Variants in PARD3 observed in about 807,000 individuals in gnomAD.
The protein encoded by PARD3 is partitioning defective 3 homolog.
In PARD3, 75 loss-of-function variants were observed where a neutral mutation model predicts 155.4. The observed-to-expected ratio is 0.48, with a 90% confidence interval of 0.40 to 0.58. PARD3 has a LOEUF of 0.58. Ranked by LOEUF, PARD3 falls within the 20% of genes least tolerant of loss-of-function variation. The pLI is 0.00. For synonymous variants in PARD3, 576 were observed against 610.5 expected (o/e 0.94, Z 0.83); for missense variants, 1,642 against 1,721.7 (o/e 0.95, Z 0.82).
In PARD3 at chr10:34,331,362, A is replaced by C; in HGVS notation, c.2606-18T>G. On this transcript the variant is annotated intron_variant, in intron 18 of 24. Transcript: ENST00000374788. ...GGGAGAACCTGGGAGGTTTACAAGA[A>C]AAAAAATGTTAGTGTGAATTAGTGA... 3.2e-6 allele frequency: 5 copies of C among 1,561,220 alleles called. No individual in the cohort carries two copies. Among genetic ancestry groups the C allele is most frequent in the Middle Eastern group, 1.7e-4 (1 of 5,938 alleles).
intron 22 of PARD3, among the ~76,000 whole-genome samples, chr10:34,187,904 T>G (rs1176545867): frequency 6.6e-6 from 1 of 152,074 alleles, no homozygotes; most frequent in East Asian, 2.0e-4. Context: ...ACCGTGGCGA[T>G]GAAAAACTTC....
At chr10:34,412,384 C>G (rs1845179605) in intron 5 of PARD3, among the ~76,000 whole-genome samples, 2 of 152,182 alleles carry the variant, frequency 1.3e-5, no homozygotes, top group Non-Finnish European at 2.9e-5. Flanking sequence ...GATGTACTCT[C>G]TTCATTCCTC....
intron 2 of PARD3, among the ~76,000 whole-genome samples, chr10:34,607,351 A>T (rs1440735739): frequency 6.6e-6 from 1 of 152,232 alleles, no homozygotes; most frequent in Non-Finnish European, 1.5e-5. Flanking sequence ...AAATAAGAAG[A>T]TGACAACCTC....
chr10:34,348,111 T>G lies in PARD3; in HGVS notation c.2072A>C (p.Lys691Thr). The G allele has an allele frequency of 1.2e-6, 2 of 1,607,090 alleles. No individual in the cohort carries two copies. Among genetic ancestry groups the G allele is most frequent in the Non-Finnish European group, 1.7e-6 (2 of 1,177,116 alleles). ...ARRISKCNEL[K>T]SPGSPPGPEL... ...AGGTCCAGGGGGGCTCCCAGGTGAC[T>G]TCAGCTACAGAGTAACGGGTATGGG... Residue 691 changes from lysine (K) to threonine (T), a missense_variant, in exon 15 of 25, where the codon AAG becomes ACG. Physicochemically the swap from Lys to Thr is moderately conservative, Grantham distance 78. Coordinates refer to ENST00000374788, the MANE Select transcript of PARD3 (RefSeq NM_001184785.2).
intron 5 of PARD3, among the ~76,000 whole-genome samples, chr10:34,438,695 C>A (rs1409786912): frequency 1.3e-5 from 2 of 151,748 alleles, no homozygotes; most frequent in African/African-American, 2.4e-5. Flanking sequence ...TTTAGGACAG[C>A]AAAACAGACA....
At chr10:34,716,457 T>G (rs2094520599) in intron 1 of PARD3, among the ~76,000 whole-genome samples, 1 of 151,888 alleles carries the variant, frequency 6.6e-6, no homozygotes, top group Admixed American at 6.6e-5. Flanking sequence ...CAAACAACAA[T>G]AAAACTTGTA....
chr10:34,394,918 C>A (rs1843174788), intron 7 of PARD3, among the ~76,000 whole-genome samples: 1 of 149,532 alleles, frequency 6.7e-6, no homozygotes. Context: ...CAACCAGGTT[C>A]TAGAAATATT....
chr10:34,594,672 T>A (rs533539345), intron 2 of PARD3, among the ~76,000 whole-genome samples: 2 of 151,890 alleles, frequency 1.3e-5, no homozygotes, highest in Non-Finnish European at 2.9e-5. Flanking sequence ...CTCTACAAAA[T>A]ATACAAAAAT....
intron 19 of PARD3, among the ~76,000 whole-genome samples, chr10:34,324,853 C>T (rs1401087816): frequency 1.3e-5 from 2 of 152,138 alleles, no homozygotes; most frequent in Non-Finnish European, 2.9e-5. Context: ...CAAGCATCAT[C>T]GCTCACCTGG....
chr10:34,618,962 G>C (rs187577024), intron 2 of PARD3, among the ~76,000 whole-genome samples: 2 of 151,872 alleles, frequency 1.3e-5, no homozygotes, highest in African/African-American at 4.8e-5. Flanking sequence ...AGCACACCTC[G>C]TGATTCTTAG....
At chr10:34,594,856 A>G (rs1460008162) in intron 2 of PARD3, among the ~76,000 whole-genome samples, 1 of 152,128 alleles carries the variant, frequency 6.6e-6, no homozygotes, top group Non-Finnish European at 1.5e-5. Context: ...AAAAATAAAT[A>G]AAGTCAGTCA....
chr10:34,447,220 G>A (rs1004032154), intron 5 of PARD3, among the ~76,000 whole-genome samples: 4 of 151,824 alleles, frequency 2.6e-5, no homozygotes, highest in African/African-American at 9.7e-5. Flanking sequence ...AGTGGCTCAC[G>A]CCTGAGATCA....
intron 1 of PARD3, among the ~76,000 whole-genome samples, chr10:34,748,740 T>C (rs750985261): frequency 6.6e-6 from 1 of 152,142 alleles, no homozygotes; most frequent in African/African-American, 2.4e-5. Flanking sequence ...AGTGGCTTCA[T>C]TCATGAAGAC....
At chr10:34,805,621 T>C (rs1359110497) in intron 1 of PARD3, among the ~76,000 whole-genome samples, 1 of 150,320 alleles carries the variant, frequency 6.7e-6, no homozygotes, top group African/African-American at 2.4e-5. Flanking sequence ...ACAAAGGGAA[T>C]TGTCTTAGTC....
chr10:34,718,554 G>T (rs1397605088), intron 1 of PARD3, among the ~76,000 whole-genome samples: 1 of 152,178 alleles, frequency 6.6e-6, no homozygotes, highest in Non-Finnish European at 1.5e-5. Context: ...CAGCTACTGA[G>T]AGGCTGAGGC....
intron 5 of PARD3, 113 bp from the exon 6 acceptor site, chr10:34,402,030 T>C: frequency 1.2e-6 from 1 of 845,584 alleles, no homozygotes; most frequent in Non-Finnish European, 2.0e-6. Flanking sequence ...TTGGTAACTG[T>C]TTCCTCTAAG....
intron 22 of PARD3, among the ~76,000 whole-genome samples, chr10:34,179,182 A>G (rs894398223): frequency 3.9e-5 from 6 of 152,046 alleles, no homozygotes; most frequent in Admixed American, 1.3e-4. Context: ...ACACACACAC[A>G]CACACACACA....
intron 20 of PARD3, among the ~76,000 whole-genome samples, chr10:34,289,955 T>C (rs762792653): frequency 5.9e-5 from 9 of 152,186 alleles, no homozygotes; most frequent in Non-Finnish European, 1.3e-4. Context: ...ATTCTACTGT[T>C]TTTATAATGA....
intron 2 of PARD3, among the ~76,000 whole-genome samples, chr10:34,695,093 G>A (rs943924676): frequency 2.6e-5 from 4 of 152,072 alleles, no homozygotes; most frequent in African/African-American, 9.7e-5. Context: ...GGAGACAGTC[G>A]ACCAGGCCGC....
Sources: gnomAD v4.1 joint callset for allele counts (sites outside exome capture counted in the v4.1 genomes callset) on GRCh38, gnomAD v4.1.1 for gene constraint, MANE v1.5 for transcripts, NCBI Gene and HGNC (gene_info 2026-07-23, HGNC 2026-07-21) for gene names.